The following EIF5B variants were observed in gnomAD, a reference collection of about 807,000 sequenced individuals.
EIF5B encodes eIF-5B.
A neutral mutation model predicts 147.5 loss-of-function variants in EIF5B; 47 were observed. The observed-to-expected ratio is 0.32, with a 90% CI of 0.25 to 0.41. The LOEUF (loss-of-function observed/expected upper bound fraction) is 0.41, where lower values mean the gene tolerates loss of function less well. Ranked by LOEUF, EIF5B falls within the 10% of genes least tolerant of loss-of-function variation. EIF5B has a pLI of 1.00. For missense variants in EIF5B, 1,064 were observed against 1,413.2 expected (o/e 0.75, Z 3.96); for synonymous variants, 455 against 456.2 (o/e 1.00, Z 0.03).
At chr2:99,370,721 A>G (rs944030672) in intron 8 of EIF5B, among the ~76,000 whole-genome samples, 2 of 152,216 alleles carry the variant, frequency 1.3e-5, no homozygotes, top group African/African-American at 4.8e-5. Flanking sequence ...CCTACCCGTC[A>G]TCTTACTTTC....
chr2:99,345,754 G>T (rs938894427), intron 1 of EIF5B, among the ~76,000 whole-genome samples: 7 of 151,942 alleles, frequency 4.6e-5, no homozygotes, highest in African/African-American at 1.7e-4. Flanking sequence ...AGACCAGCCC[G>T]TGCAACGTGG....
At chr2:99,399,091 C>A in intron 23 of EIF5B, 182 bp downstream of exon 23, 1 of 816,314 alleles carries the variant, frequency 1.2e-6, no homozygotes. Flanking sequence ...ATCAGGAAAG[C>A]AGCACCAACA....
chr2:99,399,760 C>T lies in EIF5B; in HGVS notation c.*346C>T, dbSNP rs1032640901. The T allele has an allele frequency of 5.7e-6, 1 of 175,248 alleles. No individual in the cohort carries two copies. Among genetic ancestry groups the T allele is most frequent in the Admixed American group, 5.8e-5 (1 of 17,186 alleles). 10.9% of individuals were successfully genotyped at this position (175,248 alleles called of 1,614,324 possible). A position where few individuals can be genotyped will look rare whatever the true frequency, so the allele number is the denominator to read the frequency against. On this transcript the variant is annotated 3_prime_UTR_variant, in exon 24 of 24. Transcript: ENST00000289371. ...CGATTTTATACTGATTAAATCAGTA[C>T]TGCAGTATTTGATTAACCAAGCTTC... is the stretch of plus-strand genomic sequence containing the variant.
chr2:99,390,340 C>T lies in EIF5B; in HGVS notation c.2525C>T (p.Thr842Ile). 6.2e-7 allele frequency: 1 copy of T among 1,613,958 alleles called. No individual in the cohort carries two copies. Among genetic ancestry groups the T allele is most frequent in the Non-Finnish European group, 8.5e-7 (1 of 1,180,018 alleles). ...GSLIYLLVEL[T>I]QTMLSKRLAH... is the part of the protein sequence containing the mutation. ...CTGATCTACCTTCTTGTAGAGTTAA[C>T]TCAGACCATGTTGAGCAAGAGACTT... is the stretch of plus-strand genomic sequence containing the variant. The change falls in exon 16 of 24, where the codon ACT (threonine) becomes ATT (isoleucine). Residue 842 changes from threonine to isoleucine, a missense_variant. Coordinates refer to ENST00000289371, the MANE Select transcript of EIF5B (RefSeq NM_015904.4).
chr2:99,338,422 C>G, intron 1 of EIF5B: 2 of 987,392 alleles, frequency 2.0e-6, no homozygotes, highest in South Asian at 1.3e-5. Context: ...TTACATTACA[C>G]GTTCGTACAC....
At chr2:99,384,113 C>T (rs1030053946) in intron 14 of EIF5B, among the ~76,000 whole-genome samples, 13 of 142,124 alleles carry the variant, frequency 9.1e-5, no homozygotes, top group African/African-American at 5.3e-5. Context: ...AGGAGAATGG[C>T]GTGAACCCGG....
intron 9 of EIF5B, among the ~76,000 whole-genome samples, chr2:99,374,819 A>G (rs1674530318): frequency 6.6e-6 from 1 of 151,782 alleles, no homozygotes; most frequent in South Asian, 2.1e-4. Flanking sequence ...GTTAGGAGTC[A>G]TTTTCTCCCT....
chr2:99,389,879 CCTAT>C, intron 15 of EIF5B, 30 bp downstream of exon 15: 1 of 1,584,710 alleles, frequency 6.3e-7, no homozygotes, highest in Middle Eastern at 1.9e-4. Context: ...TTCTGAAGAG[CCTAT>C]CTCAGAATAT....
At chr2:99,358,342 C>T (rs1315825240) in intron 1 of EIF5B, among the ~76,000 whole-genome samples, 1 of 152,160 alleles carries the variant, frequency 6.6e-6, no homozygotes, top group East Asian at 1.9e-4. Flanking sequence ...GCTGGGATTA[C>T]AGGTGTGAGA....
At chr2:99,398,633 G>A in intron 22 of EIF5B, 115 bp from the exon 23 acceptor site, 1 of 1,144,118 alleles carries the variant, frequency 8.7e-7, no homozygotes, top group Non-Finnish European at 1.2e-6. Context: ...GGATCGCACT[G>A]CCATGACTTT....
chr2:99,386,103 G>T (rs535785413), intron 14 of EIF5B, among the ~76,000 whole-genome samples: 277 of 152,282 alleles, frequency 1.8e-3, no homozygotes, highest in Middle Eastern at 3.4e-3. Flanking sequence ...GAATAATACT[G>T]CACTTTATCC....
At chr2:99,381,421 C>T (rs1003181199) in intron 12 of EIF5B, among the ~76,000 whole-genome samples, 2 of 151,662 alleles carry the variant, frequency 1.3e-5, no homozygotes, top group South Asian at 2.1e-4. Flanking sequence ...AAATGTTTTA[C>T]GTTGCATTAT....
chr2:99,364,460 T>C, intron 6 of EIF5B, 39 bp downstream of exon 6: 1 of 1,534,810 alleles, frequency 6.5e-7, no homozygotes. Flanking sequence ...GTCAGAGAGC[T>C]CTGCACATGC....
chr2:99,379,148 T>G lies in EIF5B; in HGVS notation c.1950+22T>G, dbSNP rs771613867. The G allele has an allele frequency of 2.6e-6, 4 of 1,560,342 alleles. No homozygotes were observed. In the South Asian group the frequency reaches 4.8e-5, roughly 19 times the overall value. On this transcript the variant is annotated intron_variant, in intron 11 of 23. Coordinates refer to ENST00000289371, the MANE Select transcript of EIF5B (RefSeq NM_015904.4). Reference sequence around the variant, plus strand: ...TAAGGTAAGAAAGTATTAAATGTATTGATAGAACTTTGAAAATAAGTGAAT... The same window carrying G: ...TAAGGTAAGAAAGTATTAAATGTATGGATAGAACTTTGAAAATAAGTGAAT...
chr2:99,387,713 G>A (rs10180688), intron 14 of EIF5B, among the ~76,000 whole-genome samples: 25,602 of 152,174 alleles, frequency 0.17, 2,741 homozygotes, highest in African/African-American at 0.28. Flanking sequence ...TTGGGATTGC[G>A]TTTCAATCTG....
intron 1 of EIF5B, among the ~76,000 whole-genome samples, chr2:99,357,316 A>T (rs1324369500): frequency 7.9e-5 from 12 of 152,208 alleles, no homozygotes; most frequent in Admixed American, 7.9e-4. Context: ...ATTTTCTAGG[A>T]AGGCAGTAGA....
Position 99,399,354 on chromosome 2 carries a change from A to G in EIF5B, c.3603A>G (p.Glu1201=). 6.2e-7 allele frequency: 1 copy of G among 1,614,160 alleles called. No individual in the cohort carries two copies. Among genetic ancestry groups the G allele is most frequent in the Non-Finnish European group, 8.5e-7 (1 of 1,180,020 alleles). ...CACTCAAAGACTGGTTCAGAGATGA[A>G]ATGCAGAAGAGTGACTGGCAGCTTA... ...IDALKDWFRD[E]MQKSDWQLIV... The change falls in exon 24 of 24, where the codon GAA becomes GAG. Residue 1201 remains glutamate (E), a synonymous_variant. Coordinates refer to ENST00000289371, the MANE Select transcript of EIF5B (RefSeq NM_015904.4).
At chr2:99,345,085 T>TC (rs1404308035) in intron 1 of EIF5B, among the ~76,000 whole-genome samples, 13 of 152,226 alleles carry the variant, frequency 8.5e-5, no homozygotes, top group Admixed American at 8.5e-4. Flanking sequence ...TTGTACTTTT[T>TC]CAGAGGCATT....
At chr2:99,375,459 C>T (rs72956346) in intron 9 of EIF5B, among the ~76,000 whole-genome samples, 24,335 of 152,138 alleles carry the variant, frequency 0.16, 2,095 homozygotes, top group East Asian at 0.26. Context: ...GGGTACAGCT[C>T]TTCATGATTG....
Sources: gnomAD v4.1 joint callset for allele counts (sites outside exome capture counted in the v4.1 genomes callset) on GRCh38, gnomAD v4.1.1 for gene constraint, MANE v1.5 for transcripts, NCBI Gene and HGNC (gene_info 2026-07-23, HGNC 2026-07-21) for gene names.